Variants in AFG2A observed in about 807,000 individuals in gnomAD.
The protein encoded by AFG2A is AAA ATPase AFG2A.
chr4:123,054,226 C>T, the AFG2A span, among the ~76,000 whole-genome samples: 1 of 152,184 alleles, frequency 6.6e-6, no homozygotes, highest in Non-Finnish European at 1.5e-5. Context: ...GCAGATCAGT[C>T]ACTTGGGTGT....
chr4:122,965,290 T>A, the AFG2A span, among the ~76,000 whole-genome samples: 1 of 152,346 alleles, frequency 6.6e-6, no homozygotes, highest in African/African-American at 2.4e-5. Flanking sequence ...GAGTATAAAA[T>A]TGTAGGATTT....
At chr4:123,107,723 T>C in the AFG2A span, among the ~76,000 whole-genome samples, 1 of 152,216 alleles carries the variant, frequency 6.6e-6, no homozygotes, top group Non-Finnish European at 1.5e-5. Flanking sequence ...TGAAGCCCTA[T>C]GGCAAACCAC....
At chr4:123,076,444 G>A in the AFG2A span, among the ~76,000 whole-genome samples, 2 of 152,100 alleles carry the variant, frequency 1.3e-5, no homozygotes, top group Non-Finnish European at 2.9e-5. Context: ...ATCTGTTGAT[G>A]TGTACAGTTA....
the AFG2A span, among the ~76,000 whole-genome samples, chr4:123,130,004 T>C: frequency 6.6e-6 from 1 of 151,610 alleles, no homozygotes; most frequent in Admixed American, 6.6e-5. Flanking sequence ...TTATGTGAGG[T>C]TTTTTGTTGT....
At chr4:123,029,314 C>T in the AFG2A span, among the ~76,000 whole-genome samples, 4 of 152,092 alleles carry the variant, frequency 2.6e-5, no homozygotes, top group Admixed American at 6.5e-5. Context: ...CCTCATGATC[C>T]GCCTGCCTCG....
chr4:123,041,276 A>ATTT, the AFG2A span, among the ~76,000 whole-genome samples: 1 of 27,320 alleles, frequency 3.7e-5, no homozygotes, highest in Non-Finnish European at 1.2e-4. Flanking sequence ...ACGCCCAGCT[A>ATTT]ATTTTTTTTT....
At chr4:123,024,029 T>C in the AFG2A span, among the ~76,000 whole-genome samples, 1 of 151,714 alleles carries the variant, frequency 6.6e-6, no homozygotes, top group Non-Finnish European at 1.5e-5. Context: ...CTGAGAATTC[T>C]GTAGTCATCA....
the AFG2A span, among the ~76,000 whole-genome samples, chr4:122,990,513 A>C: frequency 6.6e-6 from 1 of 152,226 alleles, no homozygotes; most frequent in South Asian, 2.1e-4. Context: ...AAAACAAAAA[A>C]CAAAACAAAG....
the AFG2A span, among the ~76,000 whole-genome samples, chr4:123,069,960 G>C: frequency 2.0e-5 from 3 of 152,152 alleles, no homozygotes; most frequent in Admixed American, 2.0e-4. Flanking sequence ...CAGAGGAGCA[G>C]TTCTGATCTT....
At chr4:123,181,074 T>C in the AFG2A span, among the ~76,000 whole-genome samples, 1 of 146,038 alleles carries the variant, frequency 6.8e-6, no homozygotes, top group East Asian at 2.2e-4. Flanking sequence ...AAACTCCGCC[T>C]CCCAGGTTCA....
chr4:123,032,011 T>A, the AFG2A span, among the ~76,000 whole-genome samples: 1 of 152,234 alleles, frequency 6.6e-6, no homozygotes, highest in Non-Finnish European at 1.5e-5. Context: ...TCTCTCTTGC[T>A]TTTGTCTGGA....
the AFG2A span, among the ~76,000 whole-genome samples, chr4:123,257,147 G>A: frequency 6.6e-6 from 1 of 152,094 alleles, no homozygotes; most frequent in East Asian, 1.9e-4. Flanking sequence ...AGTCTATTTG[G>A]AACTGAACTT....
At chr4:123,090,893 A>T in the AFG2A span, among the ~76,000 whole-genome samples, 7 of 152,256 alleles carry the variant, frequency 4.6e-5, no homozygotes, top group Non-Finnish European at 1.0e-4. Context: ...ACATTCTTGC[A>T]TACAAGTTAT....
chr4:123,064,924 G>A, the AFG2A span, among the ~76,000 whole-genome samples: 1 of 152,102 alleles, frequency 6.6e-6, no homozygotes, highest in Non-Finnish European at 1.5e-5. Flanking sequence ...ACTCCTAATC[G>A]TTGTGTTTAG....
the AFG2A span, among the ~76,000 whole-genome samples, chr4:123,219,105 A>C: frequency 2.0e-5 from 3 of 152,240 alleles, no homozygotes; most frequent in African/African-American, 7.2e-5. Flanking sequence ...AGTCCAAGTC[A>C]TAAAGCCTTA....
At chr4:122,964,044 TAACAAA>T in the AFG2A span, among the ~76,000 whole-genome samples, 3 of 152,096 alleles carry the variant, frequency 2.0e-5, no homozygotes, top group East Asian at 1.9e-4. Flanking sequence ...TTTTTTCAAA[TAACAAA>T]AACAAAAACA....
chr4:123,146,072 A>G, the AFG2A span, among the ~76,000 whole-genome samples: 1 of 152,140 alleles, frequency 6.6e-6, no homozygotes, highest in African/African-American at 2.4e-5. Context: ...AGACTGACAG[A>G]TTTCTCAACA....
chr4:123,117,580 T>C, the AFG2A span, among the ~76,000 whole-genome samples: 1 of 151,554 alleles, frequency 6.6e-6, no homozygotes, highest in Admixed American at 6.6e-5. Flanking sequence ...TAAATGATCT[T>C]ATTCCCACTC....
the AFG2A span, among the ~76,000 whole-genome samples, chr4:123,026,474 A>T: frequency 6.6e-6 from 1 of 152,180 alleles, no homozygotes; most frequent in Non-Finnish European, 1.5e-5. Context: ...AAATCTCATA[A>T]TATTTTAACA....
Sources: gnomAD v4.1 joint callset for allele counts (sites outside exome capture counted in the v4.1 genomes callset) on GRCh38, gnomAD v4.1.1 for gene constraint, MANE v1.5 for transcripts, NCBI Gene and HGNC (gene_info 2026-07-23, HGNC 2026-07-21) for gene names.